REXO2: variants seen among roughly 807,000 people sequenced by gnomAD.
REXO2 encodes the protein RNA exonuclease 2, also known as oligoribonuclease, mitochondrial.
In REXO2, 17 loss-of-function variants were observed where a neutral mutation model predicts 30.9. The ratio of observed to expected loss-of-function variants is 0.55; its 90% CI spans 0.38 to 0.82. The LOEUF (loss-of-function observed/expected upper bound fraction) is 0.82. REXO2 is among the 40% of genes least tolerant of loss of function. REXO2 has a pLI of 0.00. For synonymous variants in REXO2, 105 were observed against 99.6 expected, an observed-to-expected ratio of 1.05 and a Z score of -0.32; for missense variants, 253 against 293.2, an observed-to-expected ratio of 0.86 and a Z score of 1.00.
intron 2 of REXO2, chr11:114,440,988 G>A: frequency 8.0e-6 from 3 of 374,986 alleles, no homozygotes; most frequent in Non-Finnish European, 1.4e-5. Context: ...AAATTCTGTC[G>A]TTTACTGAGC....
Position 114,443,852 on chromosome 11 carries a change from A to G in REXO2, c.232-4A>G. 2 of 1,602,710 alleles carry G rather than the reference A, an allele frequency of 1.2e-6. No individual in the cohort carries two copies. Among genetic ancestry groups the G allele is most frequent in the South Asian group, 2.3e-5 (2 of 88,578 alleles). On this transcript the variant is annotated splice_polypyrimidine_tract_variant and splice_region_variant and intron_variant, in intron 2 of 6. Transcript: ENST00000265881. ...TGGTGACTGATGGCGTTTCCCATCCACAGGGTCCTAACCTGATTATAAAAC... is the reference window on the plus strand; with the variant it reads ...TGGTGACTGATGGCGTTTCCCATCCGCAGGGTCCTAACCTGATTATAAAAC...
intron 2 of REXO2, among the ~76,000 whole-genome samples, chr11:114,441,587 T>C (rs1420825988): frequency 6.6e-6 from 1 of 152,218 alleles, no homozygotes; most frequent in Non-Finnish European, 1.5e-5. Context: ...TCAGCAGTAT[T>C]CAGAGCCAGA....
In REXO2 at chr11:114,439,637, G is replaced by A; in HGVS notation, c.109G>A (p.Glu37Lys). The A allele has an allele frequency of 6.3e-7, 1 of 1,597,174 alleles. No individual in the cohort carries two copies. The highest frequency in any genetic ancestry group is 8.5e-7 in the Non-Finnish European group (1 of 1,173,810). ...AGGTGGCGCAGCCATGGCGGCAGGGGAGAGCATGGCTCAGCGGATGGTCTG... is the reference window on the plus strand; with the variant it reads ...AGGTGGCGCAGCCATGGCGGCAGGGAAGAGCATGGCTCAGCGGATGGTCTG... ...REGGAAMAAG[E>K]SMAQRMVWVD... is the part of the protein sequence containing the mutation. The change falls in exon 1 of 7, where the codon GAG becomes AAG. Residue 37 changes from glutamate (E) to lysine (K), a missense_variant. Glu to Lys is a moderately conservative substitution (Grantham distance 56). Coordinates refer to ENST00000265881, the MANE Select transcript of REXO2 (RefSeq NM_015523.4).
intron 3 of REXO2, chr11:114,444,149 A>G (rs752796769): frequency 1.5e-5 from 10 of 645,460 alleles, no homozygotes; most frequent in South Asian, 1.4e-4. Context: ...TCTCTCCTAC[A>G]TTCAGTCTGT....
At chr11:114,442,443 TA>T (rs1439208672) in intron 2 of REXO2, among the ~76,000 whole-genome samples, 2 of 152,160 alleles carry the variant, frequency 1.3e-5, no homozygotes, top group African/African-American at 4.8e-5. Flanking sequence ...AAACATCTGT[TA>T]TCCAAGCAAA....
At chr11:114,448,009 T>C in intron 6 of REXO2, 130 bp downstream of exon 6, 1 of 696,958 alleles carries the variant, frequency 1.4e-6, no homozygotes, top group Non-Finnish European at 2.4e-6. Context: ...AGCATAAACA[T>C]AACATTCTTT....
chr11:114,442,673 T>A (rs1319198777), intron 2 of REXO2, among the ~76,000 whole-genome samples: 2 of 152,202 alleles, frequency 1.3e-5, no homozygotes, highest in Non-Finnish European at 2.9e-5. Context: ...ATTTCTTTTA[T>A]CCTGTTAACA....
chr11:114,447,720 CATGACTCAA>C, intron 5 of REXO2, 97 bp from the exon 6 acceptor site: 1 of 880,742 alleles, frequency 1.1e-6, no homozygotes, highest in Non-Finnish European at 1.7e-6. Context: ...ACTTGAGAAT[CATGACTCAA>C]ATGCCATTTT....
intron 5 of REXO2, among the ~76,000 whole-genome samples, chr11:114,446,538 A>C (rs1197441580): frequency 6.6e-6 from 1 of 152,206 alleles, no homozygotes; most frequent in Non-Finnish European, 1.5e-5. Context: ...TGCTGGAGCA[A>C]GAGGAATGGG....
chr11:114,439,854 G>A, intron 1 of REXO2, 179 bp downstream of exon 1: 1 of 684,030 alleles, frequency 1.5e-6, no homozygotes, highest in Non-Finnish European at 2.4e-6. Flanking sequence ...GGTGTTGGGC[G>A]CCGTGCTGCG....
chr11:114,448,816 A>G (rs1212657350), intron 6 of REXO2: 1 of 152,266 alleles, frequency 6.6e-6, no homozygotes, highest in East Asian at 1.9e-4. Context: ...AGGTTTTGCT[A>G]CATAATAGGT....
chr11:114,446,175 G>A, intron 5 of REXO2, 88 bp downstream of exon 5: 1 of 732,170 alleles, frequency 1.4e-6, no homozygotes, highest in Non-Finnish European at 2.2e-6. Context: ...TAGAGCTGTA[G>A]AACTAAGGCT....
intron 2 of REXO2, among the ~76,000 whole-genome samples, chr11:114,442,155 A>T (rs1946482914): frequency 6.7e-6 from 1 of 148,676 alleles, no homozygotes; most frequent in Non-Finnish European, 1.5e-5. Context: ...GAGGATAAAG[A>T]TGTTAAAAAA....
chr11:114,439,779 G>A (rs1591209759), intron 1 of REXO2, 104 bp downstream of exon 1: 2 of 1,359,230 alleles, frequency 1.5e-6, no homozygotes. Context: ...TGGGTCTCAG[G>A]TGTGGCAGGT....
Position 114,439,498 on chromosome 11 carries a change from A to G in REXO2, c.-31A>G. The G allele has an allele frequency of 1.3e-6, 2 of 1,598,910 alleles. No homozygotes were observed. Among genetic ancestry groups the G allele is most frequent in the Non-Finnish European group, 1.7e-6 (2 of 1,177,986 alleles). On this transcript the variant is annotated 5_prime_UTR_variant, in exon 1 of 7. Transcript: ENST00000265881. Reference sequence around the variant, plus strand: ...TGCGCCTGCGCCAGCGCCGGCTGCGAGACTGGGGCCGTGGCTGCTGGTCCC... The same window carrying G: ...TGCGCCTGCGCCAGCGCCGGCTGCGGGACTGGGGCCGTGGCTGCTGGTCCC...
At chr11:114,441,055 C>G in intron 2 of REXO2, 1 of 205,750 alleles carries the variant, frequency 4.9e-6, no homozygotes, top group Non-Finnish European at 9.7e-6. Flanking sequence ...GTTCTTAGTT[C>G]TCACAGCAAC....
chr11:114,447,001 C>T (rs1397803110), intron 5 of REXO2, among the ~76,000 whole-genome samples: 3 of 142,320 alleles, frequency 2.1e-5, no homozygotes, highest in African/African-American at 8.1e-5. Context: ...TGCTGTGGCG[C>T]GATCTCCGCT....
At chr11:114,449,727 C>A in intron 6 of REXO2, 119 bp from the exon 7 acceptor site, 1 of 941,112 alleles carries the variant, frequency 1.1e-6, no homozygotes, top group Non-Finnish European at 1.6e-6. Flanking sequence ...TGATGCTAGA[C>A]AGTGACACTT....
Position 114,444,709 on chromosome 11 carries a change from C to T in REXO2, c.421+57C>T, listed in dbSNP as rs79050259. The T allele has an allele frequency of 4.4e-4, 505 of 1,138,506 alleles. No homozygotes were observed. The African/African-American group carries it at 7.2e-3, about 16-fold the overall frequency. The allele number at this position is 1,138,506 out of a possible 1,614,324, so 70.5% of individuals were successfully genotyped here. A position where few individuals can be genotyped will look rare whatever the true frequency, so the allele number is the denominator to read the frequency against. On this transcript the variant is annotated intron_variant, in intron 4 of 6. Coordinates refer to ENST00000265881, the MANE Select transcript of REXO2 (RefSeq NM_015523.4). The stretch of plus-strand genomic sequence containing the variant: ...CTTCCATATGTAGTGGTTCAAGAGA[C>T]TGCAGTTCCAGAAAGACTAGCCGAG...
Sources: gnomAD v4.1 joint callset for allele counts (sites outside exome capture counted in the v4.1 genomes callset) on GRCh38, gnomAD v4.1.1 for gene constraint, MANE v1.5 for transcripts, NCBI Gene and HGNC (gene_info 2026-07-23, HGNC 2026-07-21) for gene names.